Variants in FAM171A1 observed in about 807,000 individuals in gnomAD.
FAM171A1 encodes the protein family with sequence similarity 171 member A1.
In FAM171A1, 23 loss-of-function variants were observed where a neutral mutation model predicts 74.9. The ratio of observed to expected loss-of-function variants is 0.31; its 90% confidence interval spans 0.22 to 0.44. The LOEUF (loss-of-function observed/expected upper bound fraction) is 0.44, where lower values mean the gene tolerates loss of function less well. FAM171A1 is among the 20% of genes least tolerant of loss of function. The pLI is 1.00. For synonymous variants in FAM171A1, 527 were observed against 505.7 expected (o/e 1.04, Z -0.57); for missense variants, 1,162 against 1,159.2 (o/e 1.00, Z -0.03).
At chr10:15,228,843 A>G (rs1286946509) in intron 5 of FAM171A1, among the ~76,000 whole-genome samples, 1 of 152,184 alleles carries the variant, frequency 6.6e-6, no homozygotes, top group Non-Finnish European at 1.5e-5. Context: ...ACAGAAGAGG[A>G]GCTGAACGTC....
At chr10:15,237,336 T>G (rs2131742086) in intron 5 of FAM171A1, among the ~76,000 whole-genome samples, 1 of 152,288 alleles carries the variant, frequency 6.6e-6, no homozygotes, top group South Asian at 2.1e-4. Context: ...CCGATCATAC[T>G]AGAACAAATG....
At chr10:15,303,960 A>G (rs1052019879) in intron 1 of FAM171A1, among the ~76,000 whole-genome samples, 4 of 152,180 alleles carry the variant, frequency 2.6e-5, no homozygotes, top group Non-Finnish European at 5.9e-5. Flanking sequence ...CACATGGAGA[A>G]AGTGTCGTTT....
chr10:15,227,947 G>T (rs950360955), intron 5 of FAM171A1, among the ~76,000 whole-genome samples: 3 of 152,144 alleles, frequency 2.0e-5, no homozygotes, highest in Non-Finnish European at 4.4e-5. Flanking sequence ...CGCCAAGTGT[G>T]CTGCTTTCCT....
At chr10:15,271,831 T>A (rs997718812) in intron 3 of FAM171A1, among the ~76,000 whole-genome samples, 2 of 152,126 alleles carry the variant, frequency 1.3e-5, no homozygotes, top group African/African-American at 4.8e-5. Context: ...GACAAGCAAA[T>A]GCTGAGAGAT....
intron 1 of FAM171A1, among the ~76,000 whole-genome samples, chr10:15,328,398 G>A (rs1835584272): frequency 1.3e-5 from 2 of 152,118 alleles, no homozygotes; most frequent in South Asian, 2.1e-4. Flanking sequence ...CACCCGCCTC[G>A]GCCTCCCAAA....
intron 1 of FAM171A1, among the ~76,000 whole-genome samples, chr10:15,306,172 T>C (rs1402392871): frequency 6.6e-6 from 1 of 152,226 alleles, no homozygotes; most frequent in Non-Finnish European, 1.5e-5. Context: ...TGCATTTACC[T>C]GAATAATGTG....
chr10:15,358,260 G>A (rs968906863), intron 1 of FAM171A1, among the ~76,000 whole-genome samples: 2 of 152,150 alleles, frequency 1.3e-5, no homozygotes, highest in Non-Finnish European at 2.9e-5. Flanking sequence ...ACAGCTGTGA[G>A]CCACTGTGCC....
At chr10:15,261,978 G>A (rs184312908) in intron 3 of FAM171A1, among the ~76,000 whole-genome samples, 1 of 152,314 alleles carries the variant, frequency 6.6e-6, no homozygotes, top group Admixed American at 6.5e-5. Flanking sequence ...AGATGGGTGT[G>A]GTGGCGCATG....
At chr10:15,325,377 C>T (rs2131852290) in intron 1 of FAM171A1, among the ~76,000 whole-genome samples, 1 of 152,110 alleles carries the variant, frequency 6.6e-6, no homozygotes, top group Middle Eastern at 3.4e-3. Flanking sequence ...GTGTGGTAGC[C>T]CTAGTCTGTA....
Position 15,271,007 on chromosome 10 carries a change from T to C in FAM171A1, c.418+4848A>G, listed in dbSNP as rs576359863. Among the ~76,000 whole-genome samples, 865 of 152,250 alleles carry C rather than the reference T, an allele frequency of 5.7e-3. 8 individuals are homozygous for C. Among genetic ancestry groups the C allele is most frequent in the Non-Finnish European group, 6.4e-3 (436 of 68,020 alleles). ...AAGGAATGCAGCTCCTCGCCAGCAA[T>C]GGAACAAAGCTGGACAGAGAATGAC... On this transcript the variant is annotated intron_variant, in intron 3 of 7. Coordinates refer to ENST00000378116, the MANE Select transcript of FAM171A1 (RefSeq NM_001010924.2).
At chr10:15,272,571 C>T (rs9731382) in intron 3 of FAM171A1, among the ~76,000 whole-genome samples, 84,168 of 152,088 alleles carry the variant, frequency 0.55, 24,986 homozygotes, top group South Asian at 0.71. Context: ...CTCTCCACCC[C>T]AAATCAACAG....
At chr10:15,360,441 T>C (rs1233161507) in intron 1 of FAM171A1, among the ~76,000 whole-genome samples, 1 of 152,262 alleles carries the variant, frequency 6.6e-6, no homozygotes, top group Non-Finnish European at 1.5e-5. Context: ...TTTTTCCCTC[T>C]AGATCAAATA....
intron 7 of FAM171A1, among the ~76,000 whole-genome samples, 188 bp downstream of exon 7, chr10:15,215,808 T>G (rs1362992572): frequency 2.0e-5 from 3 of 152,168 alleles, no homozygotes; most frequent in Admixed American, 1.3e-4. Context: ...CAGCATGCTT[T>G]ACACATACTA....
chr10:15,329,313 C>T (rs1020238518), intron 1 of FAM171A1, among the ~76,000 whole-genome samples: 1 of 152,204 alleles, frequency 6.6e-6, no homozygotes, highest in East Asian at 1.9e-4. Flanking sequence ...CCAATTTCCA[C>T]TTGTGGTTCT....
intron 1 of FAM171A1, among the ~76,000 whole-genome samples, chr10:15,320,163 CTTCT>C (rs1249960092): frequency 6.6e-6 from 1 of 152,204 alleles, no homozygotes; most frequent in Non-Finnish European, 1.5e-5. Context: ...TGTCTCTTCC[CTTCT>C]TTGTGTCCAT....
intron 5 of FAM171A1, among the ~76,000 whole-genome samples, chr10:15,242,779 G>T (rs1834378950): frequency 6.6e-6 from 1 of 151,878 alleles, no homozygotes; most frequent in South Asian, 2.1e-4. Context: ...TGACAGTGCA[G>T]GACTCCGTCT....
At chr10:15,301,499 G>A (rs1276515386) in intron 1 of FAM171A1, among the ~76,000 whole-genome samples, 1 of 152,030 alleles carries the variant, frequency 6.6e-6, no homozygotes, top group African/African-American at 2.4e-5. Context: ...CACCTTGCCG[G>A]GCCCTCTTCA....
intron 1 of FAM171A1, among the ~76,000 whole-genome samples, chr10:15,359,858 C>A (rs187394367): frequency 2.0e-5 from 3 of 152,252 alleles, no homozygotes; most frequent in East Asian, 3.9e-4. Flanking sequence ...CTGGCCAGGA[C>A]AACAAAACAA....
At chr10:15,354,547 C>G (rs1835912741) in intron 1 of FAM171A1, among the ~76,000 whole-genome samples, 1 of 152,068 alleles carries the variant, frequency 6.6e-6, no homozygotes, top group Non-Finnish European at 1.5e-5. Context: ...TTGGCAATGT[C>G]TCCCTTCAAG....
Sources: allele counts gnomAD v4.1 joint callset (sites outside exome capture counted in the v4.1 genomes callset), GRCh38; gene constraint gnomAD v4.1.1; transcripts MANE v1.5; gene names NCBI Gene and HGNC (gene_info 2026-07-23, HGNC 2026-07-21).